CCPG1: variants seen among roughly 807,000 people sequenced by gnomAD.
CCPG1 encodes cell cycle progression protein 1.
A neutral mutation model predicts 81.3 loss-of-function variants in CCPG1; 46 were observed. The observed-to-expected ratio is 0.57, with a 90% CI of 0.45 to 0.72. The LOEUF (loss-of-function observed/expected upper bound fraction) is 0.72, where lower values mean the gene tolerates loss of function less well. Among genes scored for constraint, CCPG1 ranks in the 30% least tolerant of loss-of-function variants. CCPG1 has a pLI of 0.00. For missense variants in CCPG1, 902 were observed against 937.6 expected (o/e 0.96, Z 0.50); for synonymous variants, 330 against 305.2 (o/e 1.08, Z -0.85).
chr15:55,377,592 T>C (rs1333708862), intron 4 of CCPG1, among the ~76,000 whole-genome samples: 2 of 152,232 alleles, frequency 1.3e-5, no homozygotes, highest in Non-Finnish European at 2.9e-5. Context: ...CCCACAAATT[T>C]CTACGCTGGA....
chr15:55,384,556 G>A (rs2056762459), intron 3 of CCPG1, among the ~76,000 whole-genome samples: 1 of 152,146 alleles, frequency 6.6e-6, no homozygotes, highest in Admixed American at 6.6e-5. Flanking sequence ...CTGAGAGGCT[G>A]AGGCAGGAGG....
chr15:55,403,453 C>T (rs1368685845), intron 1 of CCPG1, among the ~76,000 whole-genome samples: 1 of 151,386 alleles, frequency 6.6e-6, no homozygotes, highest in African/African-American at 2.4e-5. Context: ...GAAAAAAATA[C>T]TTAACTCCCA....
chr15:55,407,037 A>ACCCACCCCCCCCCCCC (rs1308149562), intron 1 of CCPG1, among the ~76,000 whole-genome samples: 4 of 112,688 alleles, frequency 3.5e-5, no homozygotes, highest in Non-Finnish European at 5.3e-5. Flanking sequence ...ACACGTTGAG[A>ACCCACCCCCCCCCCCC]CCCCCCCCCC....
At chr15:55,407,728 G>T (rs2057265380) in intron 1 of CCPG1, 1 of 152,270 alleles carries the variant, frequency 6.6e-6, no homozygotes, top group Non-Finnish European at 1.5e-5. Context: ...CGTGCTAGCG[G>T]AAGTCTCCGG....
intron 5 of CCPG1, among the ~76,000 whole-genome samples, chr15:55,375,761 C>G (rs546503756): frequency 6.6e-6 from 1 of 150,832 alleles, no homozygotes; most frequent in South Asian, 2.1e-4. Context: ...GTGGCGCAAT[C>G]TCAGCTCACT....
chr15:55,356,676 AAAT>A (rs2056083345), intron 8 of CCPG1: 1 of 1,155,896 alleles, frequency 8.7e-7, no homozygotes, highest in Non-Finnish European at 1.1e-6. Flanking sequence ...TGTGACAATA[AAAT>A]AATGAGATGT....
At chr15:55,402,309 C>A (rs2057143362) in intron 1 of CCPG1, among the ~76,000 whole-genome samples, 1 of 152,152 alleles carries the variant, frequency 6.6e-6, no homozygotes, top group Non-Finnish European at 1.5e-5. Flanking sequence ...CTCACTGTAA[C>A]CTCAAACTCC....
intron 1 of CCPG1, among the ~76,000 whole-genome samples, chr15:55,401,428 A>T (rs2057126284): frequency 6.6e-6 from 1 of 152,156 alleles, no homozygotes. Context: ...GCATTTTGGG[A>T]GGCCGAGGCG....
rs1293464311 is a variant in CCPG1, at chr15:55,360,868, T to C, written c.905A>G (p.Asn302Ser). ...EKMSFETQKT[N>S]LATENQYLRV... ...TAAATACTGATTTTCTGTAGCAAGGTTCGTTTTCTGAGTTTCAAAGGACAT... is the reference window on the plus strand; with the variant it reads ...TAAATACTGATTTTCTGTAGCAAGGCTCGTTTTCTGAGTTTCAAAGGACAT... The change falls in exon 8 of 9, where the codon AAC (asparagine) becomes AGC (serine). Residue 302 changes from asparagine (N) to serine (S), a missense_variant. Physicochemically the swap from Asn to Ser is conservative, Grantham distance 46. This residue lies in a region of CCPG1 where 746 missense variants were observed against 728.6 expected (regional missense o/e 1.02). Coordinates refer to ENST00000442196, the MANE Select transcript of CCPG1 (RefSeq NM_001204450.2). 1 of 1,606,088 alleles carries C rather than the reference T, an allele frequency of 6.2e-7. No individual in the cohort carries two copies. Among genetic ancestry groups the C allele is most frequent in the African/African-American group, 1.3e-5 (1 of 74,310 alleles).
chr15:55,388,349 T>C (rs2056845724), intron 2 of CCPG1, among the ~76,000 whole-genome samples: 1 of 152,166 alleles, frequency 6.6e-6, no homozygotes, highest in Admixed American at 6.5e-5. Flanking sequence ...AATGTACAAG[T>C]TATGTATACT....
rs553658587 is a variant in CCPG1, at chr15:55,380,294, T to TG, written c.176-1919_176-1918insC. Among the ~76,000 whole-genome samples the TG allele has an allele frequency of 8.0e-3, 1,219 of 151,768 alleles. 18 individuals are homozygous for TG. The highest frequency in any genetic ancestry group is 0.028 in the African/African-American group (1,169 of 41,414). On this transcript the variant is annotated intron_variant, in intron 3 of 8. Coordinates refer to ENST00000442196, the MANE Select transcript of CCPG1 (RefSeq NM_001204450.2). ...TGAACATGCATTTCTTTTTGTTTTT[T>TG]TTTTGTTTTGTTTTGTTTTGAGACG...
chr15:55,368,531 T>C (rs1412473165), intron 6 of CCPG1, among the ~76,000 whole-genome samples: 1 of 152,188 alleles, frequency 6.6e-6, no homozygotes, highest in Non-Finnish European at 1.5e-5. Context: ...CTATCAATAC[T>C]TAAAGCAACT....
intron 2 of CCPG1, among the ~76,000 whole-genome samples, chr15:55,386,193 CAA>C (rs34646724): frequency 1.9e-3 from 201 of 103,802 alleles, no homozygotes; most frequent in Middle Eastern, 0.013. Context: ...AATTCCGTCT[CAA>C]AAAAAAAAAA....
intron 6 of CCPG1, among the ~76,000 whole-genome samples, chr15:55,366,414 AT>A (rs1469006687): frequency 6.6e-6 from 1 of 152,130 alleles, no homozygotes; most frequent in African/African-American, 2.4e-5. Flanking sequence ...TCAAGGCCAA[AT>A]TTGTTAAGAA....
intron 3 of CCPG1, 45 bp downstream of exon 3, chr15:55,385,555 C>T: frequency 3.1e-6 from 3 of 955,836 alleles, no homozygotes; most frequent in Non-Finnish European, 4.8e-6. Flanking sequence ...TAATATCACT[C>T]ATATATCATA....
intron 1 of CCPG1, among the ~76,000 whole-genome samples, chr15:55,390,083 C>T (rs1458316420): frequency 1.3e-5 from 2 of 152,078 alleles, no homozygotes; most frequent in African/African-American, 4.8e-5. Flanking sequence ...GCCACCACGC[C>T]CCACTAATTT....
intron 6 of CCPG1, among the ~76,000 whole-genome samples, chr15:55,366,829 A>G (rs115210783): frequency 1.5e-3 from 234 of 152,286 alleles, no homozygotes; most frequent in African/African-American, 5.4e-3. Context: ...AAAAATCAAA[A>G]TGTTACTTTA....
At chr15:55,399,247 A>G (rs1031022800) in intron 1 of CCPG1, among the ~76,000 whole-genome samples, 4 of 152,012 alleles carry the variant, frequency 2.6e-5, no homozygotes, top group African/African-American at 4.8e-5. Flanking sequence ...TGAAGAATGA[A>G]TGAGTAGTTT....
At chr15:55,367,313 T>C (rs1394591656) in intron 6 of CCPG1, among the ~76,000 whole-genome samples, 1 of 152,204 alleles carries the variant, frequency 6.6e-6, no homozygotes, top group African/African-American at 2.4e-5. Context: ...AAAACTGTGT[T>C]GAGGTCTGAA....
Sources: gnomAD v4.1 joint callset for allele counts (sites outside exome capture counted in the v4.1 genomes callset) on GRCh38, gnomAD v4.1.1 for gene constraint, gnomAD v4.1.1 regional missense constraint, MANE v1.5 for transcripts, NCBI Gene and HGNC (gene_info 2026-07-23, HGNC 2026-07-21) for gene names.